FGF7: variants seen among roughly 807,000 people sequenced by gnomAD.
FGF7 encodes fibroblast growth factor 7, also known as FGF-7.
In FGF7, 6 loss-of-function variants were observed where a neutral mutation model predicts 20.5. The ratio of observed to expected loss-of-function variants is 0.29; its 90% CI spans 0.16 to 0.58. The LOEUF is 0.58. FGF7 is among the 20% of genes least tolerant of loss of function. The pLI is 0.90. For missense variants in FGF7, 144 were observed against 228.8 expected, an observed-to-expected ratio of 0.63 and a Z score of 2.39; for synonymous variants, 64 against 74.7, an observed-to-expected ratio of 0.86 and a Z score of 0.74.
intron 2 of FGF7, among the ~76,000 whole-genome samples, chr15:49,479,599 G>GTTTTTTTTTTTTTT (rs56097665): frequency 6.3e-5 from 4 of 63,292 alleles, no homozygotes; most frequent in African/African-American, 2.5e-4. Context: ...TAATACCTCT[G>GTTTTTTTTTTTTTT]TTTTTTTTTT....
At chr15:49,451,434 T>G (rs1165613433) in intron 2 of FGF7, among the ~76,000 whole-genome samples, 2 of 152,106 alleles carry the variant, frequency 1.3e-5, no homozygotes, top group African/African-American at 4.8e-5. Context: ...GTCTATGCAT[T>G]GCTGACAGAC....
intron 2 of FGF7, among the ~76,000 whole-genome samples, chr15:49,459,308 G>C (rs924953173): frequency 6.6e-6 from 1 of 152,106 alleles, no homozygotes; most frequent in Non-Finnish European, 1.5e-5. Context: ...GCTTTCTAGG[G>C]GAGCAGCACA....
intron 2 of FGF7, among the ~76,000 whole-genome samples, chr15:49,464,813 C>T (rs1001689968): frequency 2.0e-5 from 3 of 152,120 alleles, no homozygotes; most frequent in East Asian, 1.9e-4. Flanking sequence ...AGACAGATGC[C>T]ATTCTCCTTG....
intron 2 of FGF7, among the ~76,000 whole-genome samples, chr15:49,463,519 C>G (rs987010116): frequency 2.7e-5 from 4 of 149,648 alleles, no homozygotes; most frequent in Non-Finnish European, 5.9e-5. Flanking sequence ...CCACTGCACT[C>G]CAGCCTAGGC....
intron 2 of FGF7, among the ~76,000 whole-genome samples, chr15:49,469,527 A>C (rs938717017): frequency 6.6e-6 from 1 of 152,090 alleles, no homozygotes; most frequent in African/African-American, 2.4e-5. Flanking sequence ...GAACAAGAAA[A>C]ATTTATTTCT....
chr15:49,459,803 G>A (rs549465323), intron 2 of FGF7, among the ~76,000 whole-genome samples: 1 of 152,228 alleles, frequency 6.6e-6, no homozygotes, highest in African/African-American at 2.4e-5. Flanking sequence ...GCTCCTGTGT[G>A]CATCTCTTTC....
intron 2 of FGF7, among the ~76,000 whole-genome samples, chr15:49,475,143 G>A (rs1230156301): frequency 1.3e-5 from 2 of 152,066 alleles, no homozygotes; most frequent in Non-Finnish European, 2.9e-5. Context: ...CCTGCACTCC[G>A]GTAGTGTATG....
intron 2 of FGF7, among the ~76,000 whole-genome samples, chr15:49,440,638 A>G (rs1166015559): frequency 1.3e-5 from 2 of 151,732 alleles, no homozygotes; most frequent in Non-Finnish European, 3.0e-5. Flanking sequence ...GGTATTAACT[A>G]TTTGTCAGGC....
chr15:49,443,283 C>T (rs928114046), intron 2 of FGF7, among the ~76,000 whole-genome samples: 7 of 151,456 alleles, frequency 4.6e-5, no homozygotes, highest in African/African-American at 1.7e-4. Flanking sequence ...AATTTCTTTA[C>T]TATTATATAT....
At chr15:49,477,935 T>TC (rs1323892577) in intron 2 of FGF7, among the ~76,000 whole-genome samples, 6 of 152,224 alleles carry the variant, frequency 3.9e-5, no homozygotes, top group Non-Finnish European at 5.9e-5. Flanking sequence ...AATTTCAACT[T>TC]TTATTTTAGA....
intron 2 of FGF7, among the ~76,000 whole-genome samples, chr15:49,437,432 C>T (rs774442681): frequency 6.6e-5 from 10 of 151,526 alleles, no homozygotes; most frequent in Non-Finnish European, 1.2e-4. Context: ...TTTAGGACTG[C>T]GCTCCACAAA....
At chr15:49,465,711 T>C (rs2054210400) in intron 2 of FGF7, among the ~76,000 whole-genome samples, 1 of 152,188 alleles carries the variant, frequency 6.6e-6, no homozygotes, top group Non-Finnish European at 1.5e-5. Flanking sequence ...CCAAGGAATT[T>C]TGTGCTTATT....
chr15:49,483,092 C>T (rs542905281), intron 2 of FGF7, 59 bp from the exon 3 acceptor site: 17 of 920,686 alleles, frequency 1.8e-5, no homozygotes, highest in Non-Finnish European at 2.1e-5. Flanking sequence ...AATGGCCATT[C>T]GTGGATCATT....
chr15:49,461,875 G>GC (rs1343145604), intron 2 of FGF7, among the ~76,000 whole-genome samples: 1 of 152,090 alleles, frequency 6.6e-6, no homozygotes, highest in Non-Finnish European at 1.5e-5. Context: ...AATACACATA[G>GC]CTTTAAGACT....
In FGF7 at chr15:49,444,236, A is replaced by G. The variant is rs1315846533; in HGVS notation, c.286+19653A>G. Among the ~76,000 whole-genome samples the G allele has an allele frequency of 3.3e-5, 5 of 151,666 alleles. No individual in the cohort carries two copies. The East Asian group carries it at 5.8e-4, about 18-fold the overall frequency. On this transcript the variant is annotated intron_variant, in intron 2 of 3. Transcript: ENST00000267843. ...ATAAGGATTTATGATTGCTCTCAAGACAATGAAAAAACGGAGAATGGAAGG... is the reference window on the plus strand; with the variant it reads ...ATAAGGATTTATGATTGCTCTCAAGGCAATGAAAAAACGGAGAATGGAAGG...
intron 2 of FGF7, among the ~76,000 whole-genome samples, chr15:49,478,075 C>G (rs1158027842): frequency 1.3e-5 from 2 of 152,174 alleles, no homozygotes; most frequent in Non-Finnish European, 2.9e-5. Flanking sequence ...CCCTCATCTA[C>G]TCCCCGCCAG....
chr15:49,428,070 G>C (rs1437155211), intron 2 of FGF7, among the ~76,000 whole-genome samples: 1 of 151,904 alleles, frequency 6.6e-6, no homozygotes, highest in Non-Finnish European at 1.5e-5. Flanking sequence ...ACTTGTATTA[G>C]TAGACATATA....
chr15:49,454,591 T>C (rs1055068668), intron 2 of FGF7, among the ~76,000 whole-genome samples: 1 of 152,118 alleles, frequency 6.6e-6, no homozygotes, highest in Non-Finnish European at 1.5e-5. Flanking sequence ...CCCATAATTA[T>C]ACTCTTTATT....
chr15:49,468,981 T>C (rs1240318850), intron 2 of FGF7, among the ~76,000 whole-genome samples: 3 of 152,220 alleles, frequency 2.0e-5, no homozygotes, highest in Admixed American at 6.5e-5. Context: ...CATTTGCTTA[T>C]GTTTCAGGTT....
Sources: gnomAD v4.1 joint callset for allele counts (sites outside exome capture counted in the v4.1 genomes callset) on GRCh38, gnomAD v4.1.1 for gene constraint, MANE v1.5 for transcripts, NCBI Gene and HGNC (gene_info 2026-07-23, HGNC 2026-07-21) for gene names.